RERG: variants seen among roughly 807,000 people sequenced by gnomAD.
RERG encodes the protein ras-related and estrogen-regulated growth inhibitor.
Under a neutral mutation model 23.2 loss-of-function variants are expected in RERG, and 25 were observed. The ratio of observed to expected loss-of-function variants is 1.08; its 90% CI spans 0.79 to 1.50. The LOEUF (loss-of-function observed/expected upper bound fraction) is 1.50, where lower values mean the gene tolerates loss of function less well. RERG is among the 40% of genes most tolerant of loss of function. The probability of loss-of-function intolerance (pLI) is 0.00; values close to 1 mark genes in which losing one functional copy is unlikely to be tolerated. For synonymous variants in RERG, 81 were observed against 89.1 expected (o/e 0.91, Z 0.51); for missense variants, 253 against 250.1 (o/e 1.01, Z -0.08).
At position 15,108,503 on chromosome 12, in the gene RERG, T is replaced by A. The variant is rs17834986; in HGVS notation, c.*607A>T. The A allele has an allele frequency of 0.12, 17,719 of 152,524 alleles. 1,099 individuals carry two copies. The highest frequency in any genetic ancestry group is 0.13 in the Admixed American group (1,913 of 15,266). The allele number at this position is 152,524 out of a possible 1,614,324, so 9.4% of individuals were successfully genotyped here. The stretch of plus-strand genomic sequence containing the variant: ...GAGTTAGGGTGTAATGATCAATAGA[T>A]CATTGAGAGAACCAACTCAAATTGA... On this transcript the variant is annotated 3_prime_UTR_variant, in exon 5 of 5. Transcript: ENST00000256953.
chr12:15,109,349 C>T lies in RERG; in HGVS notation c.361G>A (p.Asp121Asn). 6.2e-7 allele frequency: 1 copy of T among 1,614,098 alleles called. No individual in the cohort carries two copies. The highest frequency in any genetic ancestry group is 8.5e-7 in the Non-Finnish European group (1 of 1,180,020). The change falls in exon 5 of 5, where the codon GAC becomes AAC. Residue 121 changes from aspartate (D) to asparagine (N), a missense_variant. Physicochemically the swap from Asp to Asn is conservative, Grantham distance 23. Transcript: ENST00000256953. ...CTAACCTGCCTGGAGTGGTCCAAGTCAGCTTTGTTTCCAACCAAGATGAGA... is the reference window on the plus strand; with the variant it reads ...CTAACCTGCCTGGAGTGGTCCAAGTTAGCTTTGTTTCCAACCAAGATGAGA... ...VTLILVGNKADLDHSRQVSTE... is the reference protein window; with the variant it reads ...VTLILVGNKANLDHSRQVSTE...
chr12:15,146,148 C>A (rs1864328945), intron 2 of RERG, among the ~76,000 whole-genome samples: 1 of 152,126 alleles, frequency 6.6e-6, no homozygotes, highest in Admixed American at 6.5e-5. Flanking sequence ...AAATGCCTTA[C>A]AAGACTGTTG....
At chr12:15,166,536 T>C (rs1249810534) in intron 2 of RERG, among the ~76,000 whole-genome samples, 1 of 150,970 alleles carries the variant, frequency 6.6e-6, no homozygotes, top group Non-Finnish European at 1.5e-5. Flanking sequence ...GTGGTGGTGG[T>C]GGTGGTAGTG....
Position 15,217,508 on chromosome 12 carries a change from A to G in RERG, c.-19T>C. ...TAGCCATGATGGGTGTTGGTAGACA[A>G]TTTACTGTTGTTAAAACTAAAGCAC... On this transcript the variant is annotated 5_prime_UTR_variant, in exon 2 of 5. Transcript: ENST00000256953. The G allele has an allele frequency of 6.3e-7, 1 of 1,589,962 alleles. No individual in the cohort carries two copies. Among genetic ancestry groups the G allele is most frequent in the Non-Finnish European group, 8.6e-7 (1 of 1,158,152 alleles).
intron 2 of RERG, among the ~76,000 whole-genome samples, chr12:15,150,144 T>TAGTC (rs1419888138): frequency 1.3e-5 from 2 of 152,214 alleles, no homozygotes; most frequent in Non-Finnish European, 2.9e-5. Flanking sequence ...GGGAGCTTAG[T>TAGTC]AGTCACCTTT....
At chr12:15,202,635 T>A (rs1006781308) in intron 2 of RERG, among the ~76,000 whole-genome samples, 1 of 151,798 alleles carries the variant, frequency 6.6e-6, no homozygotes, top group Non-Finnish European at 1.5e-5. Flanking sequence ...TTTATTCATT[T>A]TAAGGATGAA....
At chr12:15,177,634 T>C (rs1320672502) in intron 2 of RERG, among the ~76,000 whole-genome samples, 1 of 152,174 alleles carries the variant, frequency 6.6e-6, no homozygotes, top group Non-Finnish European at 1.5e-5. Context: ...TCAAAGTATA[T>C]TTTAAAACTG....
At chr12:15,111,978 A>G (rs1863627777) in intron 3 of RERG, among the ~76,000 whole-genome samples, 1 of 152,102 alleles carries the variant, frequency 6.6e-6, no homozygotes, top group African/African-American at 2.4e-5. Context: ...GCCTGGCCCT[A>G]TCCTTTCCTC....
At chr12:15,167,255 G>A (rs1322394965) in intron 2 of RERG, among the ~76,000 whole-genome samples, 1 of 152,190 alleles carries the variant, frequency 6.6e-6, no homozygotes, top group Non-Finnish European at 1.5e-5. Context: ...CCTGAGAGGA[G>A]TCCAGGCTCT....
At chr12:15,177,611 G>A (rs1339288393) in intron 2 of RERG, among the ~76,000 whole-genome samples, 1 of 152,174 alleles carries the variant, frequency 6.6e-6, no homozygotes, top group African/African-American at 2.4e-5. Flanking sequence ...AGCATGAAAA[G>A]CAGCAGAAAT....
intron 2 of RERG, among the ~76,000 whole-genome samples, chr12:15,168,789 G>A (rs1864732703): frequency 6.6e-6 from 1 of 152,162 alleles, no homozygotes; most frequent in Non-Finnish European, 1.5e-5. Context: ...AGCACATGAT[G>A]TTTCTTAACC....
intron 2 of RERG, among the ~76,000 whole-genome samples, chr12:15,151,528 A>C (rs754027993): frequency 5.3e-5 from 8 of 152,224 alleles, no homozygotes; most frequent in Non-Finnish European, 1.2e-4. Flanking sequence ...CATTTGTTGT[A>C]GATTGTAGAT....
chr12:15,147,637 A>T (rs35306229), intron 2 of RERG, among the ~76,000 whole-genome samples: 32,878 of 152,186 alleles, frequency 0.22, 3,627 homozygotes, highest in Admixed American at 0.26. Context: ...ACATTCAACA[A>T]CAAACACAAT....
At chr12:15,136,678 T>C (rs140341298) in intron 2 of RERG, among the ~76,000 whole-genome samples, 1 of 152,162 alleles carries the variant, frequency 6.6e-6, no homozygotes, top group African/African-American at 2.4e-5. Context: ...AAGTGTGTTG[T>C]TGAGTCTTCA....
chr12:15,156,586 G>A (rs914227513), intron 2 of RERG, among the ~76,000 whole-genome samples: 1 of 152,284 alleles, frequency 6.6e-6, no homozygotes, highest in Non-Finnish European at 1.5e-5. Flanking sequence ...AATTTGCCCT[G>A]TAGACTTGGG....
At chr12:15,172,030 A>G (rs377120068) in intron 2 of RERG, among the ~76,000 whole-genome samples, 1 of 152,166 alleles carries the variant, frequency 6.6e-6, no homozygotes, top group East Asian at 1.9e-4. Context: ...GTACAATTCA[A>G]TGGTTTTAGT....
intron 2 of RERG, among the ~76,000 whole-genome samples, chr12:15,136,486 CTTATT>C (rs1164504498): frequency 6.6e-6 from 1 of 151,898 alleles, no homozygotes; most frequent in African/African-American, 2.4e-5. Flanking sequence ...TAGGTGGAAG[CTTATT>C]TTATTGATTT....
At chr12:15,196,775 C>T (rs1426856814) in intron 2 of RERG, among the ~76,000 whole-genome samples, 1 of 152,080 alleles carries the variant, frequency 6.6e-6, no homozygotes, top group African/African-American at 2.4e-5. Flanking sequence ...TTATACTGTA[C>T]TAGAGAGGAA....
chr12:15,115,828 A>G (rs1209510232), intron 3 of RERG, among the ~76,000 whole-genome samples: 1 of 152,210 alleles, frequency 6.6e-6, no homozygotes, highest in Non-Finnish European at 1.5e-5. Context: ...CAAACTGTAG[A>G]ATGCAGCTTC....
Sources: allele counts gnomAD v4.1 joint callset (sites outside exome capture counted in the v4.1 genomes callset), GRCh38; gene constraint gnomAD v4.1.1; transcripts MANE v1.5; gene names NCBI Gene and HGNC (gene_info 2026-07-23, HGNC 2026-07-21).